The following ALDH1A2 variants were observed in gnomAD, a reference collection of about 807,000 sequenced individuals.
The protein encoded by ALDH1A2 is aldehyde dehydrogenase 1 family member A2, also known as retinal dehydrogenase 2.
Under a neutral mutation model 60.3 loss-of-function variants are expected in ALDH1A2, and 27 were observed. That is an observed-to-expected ratio of 0.45 (90% CI 0.33 to 0.62). ALDH1A2 has a LOEUF of 0.62. ALDH1A2 is among the 20% of genes least tolerant of loss of function. The pLI, the probability that ALDH1A2 is intolerant of heterozygous loss-of-function variation, is 0.02. For missense variants in ALDH1A2, 581 were observed against 643.8 expected (o/e 0.90, Z 1.06); for synonymous variants, 289 against 232.4 (o/e 1.24, Z -2.21).
chr15:58,031,631 T>TA (rs1896242859), intron 1 of ALDH1A2, among the ~76,000 whole-genome samples: 1 of 152,076 alleles, frequency 6.6e-6, no homozygotes, highest in Admixed American at 6.5e-5. Flanking sequence ...ACAGGGCTAA[T>TA]ATCCAGAATC....
At chr15:58,039,829 T>G (rs751024551) in intron 1 of ALDH1A2, among the ~76,000 whole-genome samples, 9 of 151,714 alleles carry the variant, frequency 5.9e-5, no homozygotes, top group Non-Finnish European at 8.8e-5. Flanking sequence ...GGAGAGGAAG[T>G]TGGCATGTTT....
chr15:57,958,319 A>C, intron 12 of ALDH1A2, among the ~76,000 whole-genome samples: 1 of 151,132 alleles, frequency 6.6e-6, no homozygotes, highest in African/African-American at 2.5e-5. Flanking sequence ...GGTTCACAGA[A>C]TTCTTTCCAT....
chr15:57,960,971 A>C (rs1158008254), intron 11 of ALDH1A2, 127 bp from the exon 12 acceptor site: 7 of 1,336,714 alleles, frequency 5.2e-6, no homozygotes, highest in Non-Finnish European at 7.2e-6. Flanking sequence ...ATTGTAATTT[A>C]AAATCTACTT....
Position 57,992,920 on chromosome 15 carries a change from C to T in ALDH1A2, c.684+25G>A, listed in dbSNP as rs1445164218. The T allele has an allele frequency of 3.1e-6, 5 of 1,614,014 alleles. No homozygotes were observed. The Admixed American group carries it at 6.7e-5, about 22-fold the overall frequency. On this transcript the variant is annotated intron_variant, in intron 6 of 12. Coordinates refer to ENST00000249750, the MANE Select transcript of ALDH1A2 (RefSeq NM_003888.4). ...CTCCAGCTGTAAGGGGAGTCAGAAG[C>T]ACTCCCGAAGTCCGTTTCTCTTACC...
intron 4 of ALDH1A2, among the ~76,000 whole-genome samples, chr15:58,008,174 T>C (rs11071358): frequency 0.88 from 133,776 of 152,114 alleles, 60,350 homozygotes; most frequent in East Asian, 1. Flanking sequence ...GAGAATTCTG[T>C]CAACAGGCCT....
intron 1 of ALDH1A2, among the ~76,000 whole-genome samples, chr15:58,057,398 G>C (rs562353908): frequency 2.0e-5 from 3 of 151,920 alleles, no homozygotes; most frequent in East Asian, 3.9e-4. Flanking sequence ...ATTATTTATG[G>C]ATACATATAC....
chr15:58,045,734 G>C (rs1483291408), intron 1 of ALDH1A2, among the ~76,000 whole-genome samples: 1 of 151,908 alleles, frequency 6.6e-6, no homozygotes, highest in African/African-American at 2.4e-5. Flanking sequence ...CCACACACCC[G>C]GACCTGTCAG....
chr15:58,030,386 A>G (rs868342161), intron 1 of ALDH1A2, among the ~76,000 whole-genome samples: 1 of 152,222 alleles, frequency 6.6e-6, no homozygotes, highest in African/African-American at 2.4e-5. Flanking sequence ...GATAGAATGT[A>G]TCTCAAAATA....
At chr15:58,006,363 G>T (rs769893360) in intron 4 of ALDH1A2, among the ~76,000 whole-genome samples, 3 of 151,984 alleles carry the variant, frequency 2.0e-5, no homozygotes, top group Non-Finnish European at 4.4e-5. Flanking sequence ...TTTTATGTCA[G>T]AGTAGTATTC....
chr15:58,024,521 C>G (rs1255241840), intron 1 of ALDH1A2, among the ~76,000 whole-genome samples: 2 of 151,998 alleles, frequency 1.3e-5, no homozygotes, highest in African/African-American at 4.8e-5. Context: ...AATATAAAAT[C>G]TAAATATATA....
chr15:57,989,516 A>G (rs964660875), intron 7 of ALDH1A2, among the ~76,000 whole-genome samples: 1 of 152,342 alleles, frequency 6.6e-6, no homozygotes, highest in Middle Eastern at 3.4e-3. Flanking sequence ...CACATCTTAT[A>G]AAACCTAGTA....
At chr15:58,056,524 G>C (rs1896899462) in intron 1 of ALDH1A2, among the ~76,000 whole-genome samples, 1 of 152,018 alleles carries the variant, frequency 6.6e-6, no homozygotes, top group Non-Finnish European at 1.5e-5. Flanking sequence ...TCTGCAATAG[G>C]AATGCATTTC....
chr15:57,980,337 C>A, intron 7 of ALDH1A2: 1 of 424,206 alleles, frequency 2.4e-6, no homozygotes, highest in South Asian at 2.0e-5. Flanking sequence ...TTGAACAGGT[C>A]CATGGGGTTC....
intron 7 of ALDH1A2, among the ~76,000 whole-genome samples, chr15:57,982,845 C>G (rs2140477309): frequency 1.3e-5 from 2 of 152,316 alleles, no homozygotes; most frequent in East Asian, 1.9e-4. Flanking sequence ...CTATTAACTA[C>G]TCTCACTAGA....
intron 8 of ALDH1A2, chr15:57,964,728 C>T (rs1482614944): frequency 2.0e-5 from 3 of 152,792 alleles, no homozygotes; most frequent in Non-Finnish European, 2.9e-5. Context: ...CTTCCATATT[C>T]ATCCCTTATA....
chr15:58,030,867 C>T (rs10851633), intron 1 of ALDH1A2, among the ~76,000 whole-genome samples: 45,490 of 151,842 alleles, frequency 0.3, 7,229 homozygotes, highest in Non-Finnish European at 0.37. Flanking sequence ...AACCACTGCT[C>T]AACAAAATAA....
chr15:58,047,811 A>C lies in ALDH1A2; in HGVS notation c.117+17723T>G, dbSNP rs34336474. On this transcript the variant is annotated intron_variant, in intron 1 of 12. Transcript: ENST00000249750. ...TTCATTCGCTTTGCTTCACGCCAAA[A>C]CATCTGGCTAAAAAGTGAAAAAAAC... is the stretch of plus-strand genomic sequence containing the variant. Among the ~76,000 whole-genome samples the C allele has an allele frequency of 2.5e-3, 387 of 152,110 alleles. 1 individual carries two copies. Among genetic ancestry groups the C allele is most frequent in the African/African-American group, 8.8e-3 (367 of 41,528 alleles).
In ALDH1A2 at chr15:58,065,562, G is replaced by T. The variant is rs767371211; in HGVS notation, c.89C>A (p.Thr30Lys). 2.0e-5 allele frequency: 33 copies of T among 1,613,606 alleles called. No individual in the cohort carries two copies. In the South Asian group the frequency reaches 3.6e-4, roughly 18 times the overall value. Residue 30 changes from threonine to lysine, a missense_variant, in exon 1 of 13, where the codon ACG becomes AAG. Physicochemically the swap from Thr to Lys is moderately conservative, Grantham distance 78. Coordinates refer to ENST00000249750, the MANE Select transcript of ALDH1A2 (RefSeq NM_003888.4). ...MASLHLLPSP[T>K]PNLEIKYTKI... ...GGTGTACTTAATTTCGAGATTGGGC[G>T]TGGGCGACGGCAGGAGGTGCAGCGA...
At chr15:57,996,361 C>A (rs948354398) in intron 4 of ALDH1A2, among the ~76,000 whole-genome samples, 4 of 151,764 alleles carry the variant, frequency 2.6e-5, no homozygotes, top group African/African-American at 9.7e-5. Context: ...GATCTCTGAT[C>A]TCTACCCCCT....
Sources: allele counts gnomAD v4.1 joint callset (sites outside exome capture counted in the v4.1 genomes callset), GRCh38; gene constraint gnomAD v4.1.1; transcripts MANE v1.5; gene names NCBI Gene and HGNC (gene_info 2026-07-23, HGNC 2026-07-21).